The following ARHGAP22 variants were observed in gnomAD, a reference collection of about 807,000 sequenced individuals.
ARHGAP22 encodes the protein Rho GTPase activating protein 22.
ARHGAP22 carries 48 observed loss-of-function variants against 59.1 expected under a neutral mutation model. The ratio of observed to expected loss-of-function variants is 0.81; its 90% CI spans 0.64 to 1.03. ARHGAP22 has a LOEUF of 1.03. Ranked by LOEUF, ARHGAP22 falls within the 50% of genes least tolerant of loss-of-function variation. The pLI, the probability that ARHGAP22 is intolerant of heterozygous loss-of-function variation, is 0.00. For missense variants in ARHGAP22, 1,015 were observed against 958.7 expected (o/e 1.06, Z -0.78); for synonymous variants, 445 against 416.4 (o/e 1.07, Z -0.84).
chr10:48,446,235 C>T lies in ARHGAP22; in HGVS notation c.*156G>A. 1 of 749,594 alleles carries T rather than the reference C, an allele frequency of 1.3e-6. No individual in the cohort carries two copies. Among genetic ancestry groups the T allele is most frequent in the South Asian group, 1.9e-5 (1 of 52,998 alleles). 46.4% of individuals were successfully genotyped at this position (749,594 alleles called of 1,614,324 possible). A position where few individuals can be genotyped will look rare whatever the true frequency, so the allele number is the denominator to read the frequency against. ...TGATCCCACCTGGAGTGTGTGGGGT[C>T]CCAAAAGTCCCCACAGTCCCCACAG... On this transcript the variant is annotated 3_prime_UTR_variant, in exon 10 of 10. Transcript: ENST00000249601.
At chr10:48,433,190 C>T in the ARHGAP22 span, among the ~76,000 whole-genome samples, 1 of 152,130 alleles carries the variant, frequency 6.6e-6, no homozygotes, top group Non-Finnish European at 1.5e-5. Flanking sequence ...AAAGAGAAAA[C>T]AAGTGTGTGT....
intron 8 of ARHGAP22, among the ~76,000 whole-genome samples, chr10:48,451,945 A>C (rs2046008579): frequency 1.7e-5 from 2 of 115,402 alleles, no homozygotes; most frequent in Admixed American, 8.8e-5. Flanking sequence ...AACCCCACCC[A>C]CTGCCCAAAA....
rs745726930 is a variant in ARHGAP22, at chr10:48,450,858, G to A, written c.1271C>T (p.Thr424Ile). ...SRCSPGKKVQ[T>I]LPSWKSSFRQ... is the part of the protein sequence containing the mutation. The stretch of plus-strand genomic sequence containing the variant: ...GAAGGAGGACTTCCAACTGGGCAGG[G>A]TCTGCACCTTCTTCCCAGGGCTGCA... The change falls in exon 9 of 10, where the codon ACC becomes ATC. Residue 424 changes from threonine (T) to isoleucine (I), a missense_variant. Coordinates refer to ENST00000249601, the MANE Select transcript of ARHGAP22 (RefSeq NM_021226.4). 1.9e-6 allele frequency: 3 copies of A among 1,591,448 alleles called. No individual in the cohort carries two copies. The highest frequency in any genetic ancestry group is 2.6e-6 in the Non-Finnish European group (3 of 1,169,800).
At chr10:48,628,075 C>T (rs2061509805) in intron 1 of ARHGAP22, among the ~76,000 whole-genome samples, 1 of 152,210 alleles carries the variant, frequency 6.6e-6, no homozygotes, top group Non-Finnish European at 1.5e-5. Context: ...ATCTGGCCTC[C>T]TTCTCTTCCT....
chr10:48,577,818 T>G (rs2058838662), intron 2 of ARHGAP22, among the ~76,000 whole-genome samples: 1 of 128,900 alleles, frequency 7.8e-6, no homozygotes, highest in Non-Finnish European at 1.6e-5. Flanking sequence ...TTTTTTTTTT[T>G]TTTTTTTTTT....
At chr10:48,563,010 G>A (rs544344802) in intron 2 of ARHGAP22, among the ~76,000 whole-genome samples, 122 of 152,110 alleles carry the variant, frequency 8.0e-4, no homozygotes, top group African/African-American at 2.8e-3. Flanking sequence ...GAGCTCTAGG[G>A]CAGGATCTGT....
At chr10:48,518,639 G>GAATC (rs2053526242) in intron 3 of ARHGAP22, among the ~76,000 whole-genome samples, 1 of 152,142 alleles carries the variant, frequency 6.6e-6, no homozygotes. Flanking sequence ...ATGGCACTGA[G>GAATC]AATCAACTGT....
At chr10:48,545,391 G>C (rs189417562) in intron 3 of ARHGAP22, among the ~76,000 whole-genome samples, 1 of 152,206 alleles carries the variant, frequency 6.6e-6, no homozygotes, top group East Asian at 1.9e-4. Context: ...GCTAAGACAG[G>C]AGAACCCCAC....
chr10:48,636,136 G>A (rs2061806901), intron 1 of ARHGAP22, among the ~76,000 whole-genome samples: 1 of 152,214 alleles, frequency 6.6e-6, no homozygotes, highest in South Asian at 2.1e-4. Flanking sequence ...GCCAGGTGCA[G>A]GTGAACATCC....
intron 1 of ARHGAP22, among the ~76,000 whole-genome samples, chr10:48,595,802 C>T (rs576795658): frequency 1.3e-5 from 2 of 152,222 alleles, no homozygotes; most frequent in East Asian, 3.9e-4. Flanking sequence ...TGAGCTACTA[C>T]ACCCAGCTTA....
intron 3 of ARHGAP22, among the ~76,000 whole-genome samples, chr10:48,553,918 C>T (rs1376542009): frequency 6.6e-6 from 1 of 152,180 alleles, no homozygotes; most frequent in Admixed American, 6.5e-5. Context: ...CTACCCCTGT[C>T]CCCAGAGCCA....
intron 3 of ARHGAP22, among the ~76,000 whole-genome samples, chr10:48,523,790 A>C (rs2054053107): frequency 6.7e-6 from 1 of 149,614 alleles, no homozygotes; most frequent in African/African-American, 2.5e-5. Flanking sequence ...CGCTCTACCC[A>C]CTCCCGCCCA....
chr10:48,561,869 A>G (rs897647429), intron 2 of ARHGAP22, among the ~76,000 whole-genome samples: 2 of 152,216 alleles, frequency 1.3e-5, no homozygotes, highest in African/African-American at 4.8e-5. Context: ...GAATTCTTAT[A>G]CACTGTTGGT....
At chr10:48,431,294 T>G in the ARHGAP22 span, 1 of 1,526,832 alleles carries the variant, frequency 6.5e-7, no homozygotes, top group South Asian at 1.1e-5. Flanking sequence ...TAAGCTTGGT[T>G]AAGATTACAG....
intron 1 of ARHGAP22, among the ~76,000 whole-genome samples, chr10:48,641,821 G>T (rs2062059247): frequency 1.3e-5 from 2 of 152,180 alleles, no homozygotes; most frequent in African/African-American, 4.8e-5. Flanking sequence ...GTTTGCAGAT[G>T]ACATGATTGT....
In ARHGAP22 at chr10:48,522,450, G is replaced by A. The variant is rs2053895061; in HGVS notation, c.322+33013C>T. Among the ~76,000 whole-genome samples the A allele has an allele frequency of 2.6e-5, 4 of 152,338 alleles. No homozygotes were observed. In the South Asian group the frequency reaches 8.3e-4, roughly 32 times the overall value. ...GACCTAAGCAAGAGGAGGTGCCCCT[G>A]GCTCTCTTCTGAGGCTGCTTAATGA... On this transcript the variant is annotated intron_variant, in intron 3 of 9. Transcript: ENST00000249601.
intron 3 of ARHGAP22, among the ~76,000 whole-genome samples, chr10:48,503,745 C>T (rs2051781083): frequency 6.6e-6 from 1 of 152,280 alleles, no homozygotes; most frequent in Non-Finnish European, 1.5e-5. Flanking sequence ...CCTGCTGGCA[C>T]CTACCTGGAG....
At chr10:48,517,887 A>G (rs1427138212) in intron 3 of ARHGAP22, among the ~76,000 whole-genome samples, 1 of 152,106 alleles carries the variant, frequency 6.6e-6, no homozygotes, top group Non-Finnish European at 1.5e-5. Context: ...AACTAAAGAA[A>G]CTGAGGTTCT....
intron 3 of ARHGAP22, chr10:48,523,987 G>C (rs1321349669): frequency 7.1e-7 from 1 of 1,402,648 alleles, no homozygotes; most frequent in East Asian, 3.0e-5. Context: ...GCGAGTCCCC[G>C]AGGCGGGGCT....
Sources: gnomAD v4.1 joint callset for allele counts (sites outside exome capture counted in the v4.1 genomes callset) on GRCh38, gnomAD v4.1.1 for gene constraint, MANE v1.5 for transcripts, NCBI Gene and HGNC (gene_info 2026-07-23, HGNC 2026-07-21) for gene names.